Variants in ITPR1 observed in about 807,000 individuals in gnomAD.
ITPR1 encodes the protein inositol 1,4,5-trisphosphate receptor type 1, also known as inositol 1,4,5-trisphosphate-gated calcium channel ITPR1.
ITPR1 carries 96 observed loss-of-function variants against 318.4 expected under a neutral mutation model. The observed-to-expected ratio is 0.30, with a 90% CI of 0.26 to 0.36. The LOEUF (loss-of-function observed/expected upper bound fraction) is 0.36, where lower values mean the gene tolerates loss of function less well. Ranked by LOEUF, ITPR1 falls within the 10% of genes least tolerant of loss-of-function variation. ITPR1 has a pLI of 1.00. For missense variants in ITPR1, 2,440 were observed against 3,460.2 expected (o/e 0.71, Z 7.40); for synonymous variants, 1,312 against 1,289.9 (o/e 1.02, Z -0.37).
At chr3:4,493,886 CTTTT>C (rs71301158) in intron 1 of ITPR1, among the ~76,000 whole-genome samples, 2 of 125,620 alleles carry the variant, frequency 1.6e-5, no homozygotes, top group South Asian at 2.6e-4. Flanking sequence ...GGAAATAGTT[CTTTT>C]TTTTTTTTTT....
At chr3:4,658,074 T>C (rs777661435) in intron 12 of ITPR1, 50 bp from the exon 13 acceptor site, 1 of 1,524,908 alleles carries the variant, frequency 6.6e-7, no homozygotes, top group South Asian at 1.2e-5. Flanking sequence ...TTGTAGAAAG[T>C]GAAGGCTTTG....
chr3:4,604,531 C>T (rs1230365302), intron 4 of ITPR1, among the ~76,000 whole-genome samples: 3 of 152,100 alleles, frequency 2.0e-5, no homozygotes, highest in Admixed American at 6.5e-5. Context: ...AGGAGATGAG[C>T]TATCTGGCTG....
chr3:4,757,825 G>A (rs553230088), intron 44 of ITPR1, among the ~76,000 whole-genome samples: 1 of 152,316 alleles, frequency 6.6e-6, no homozygotes, highest in Non-Finnish European at 1.5e-5. Flanking sequence ...GGAGTGGGGA[G>A]TTCTCAGTTC....
At chr3:4,756,057 T>C (rs2044948247) in intron 44 of ITPR1, among the ~76,000 whole-genome samples, 3 of 152,208 alleles carry the variant, frequency 2.0e-5, no homozygotes. Flanking sequence ...TGATAATTTA[T>C]GCCAAGGGAG....
chr3:4,846,205 A>C lies in ITPR1; in HGVS notation c.8257A>C (p.Asn2753His). The change falls in exon 62 of 62, where the codon AAC becomes CAC. Residue 2753 changes from asparagine (N) to histidine (H), a missense_variant. Physicochemically the swap from Asn to His is moderately conservative, Grantham distance 68 (BLOSUM62 1). Transcript: ENST00000649015. ...LLGHPPHMNV[N>H]PQQPA ...AGGACATCCTCCTCACATGAATGTC[A>C]ACCCACAACAACCAGCATAAGCAAA... 6.4e-7 allele frequency: 1 copy of C among 1,561,148 alleles called. No homozygotes were observed. The highest frequency in any genetic ancestry group is 8.7e-7 in the Non-Finnish European group (1 of 1,150,238).
intron 4 of ITPR1, among the ~76,000 whole-genome samples, chr3:4,607,765 G>A (rs1274927119): frequency 1.3e-5 from 2 of 152,048 alleles, no homozygotes; most frequent in Non-Finnish European, 2.9e-5. Context: ...GGAGCAGTTG[G>A]CAGGTCCAGG....
chr3:4,612,063 C>T (rs929005968), intron 4 of ITPR1, among the ~76,000 whole-genome samples: 50 of 108,556 alleles, frequency 4.6e-4, no homozygotes, highest in African/African-American at 1.4e-3. Flanking sequence ...GTATCAGGCC[C>T]TTTTTTTTTT....
chr3:4,786,534 A>G (rs889000381), intron 51 of ITPR1, among the ~76,000 whole-genome samples: 7 of 152,254 alleles, frequency 4.6e-5, no homozygotes, highest in African/African-American at 9.6e-5. Context: ...CTTGTAGAGC[A>G]CGTTGCATCC....
intron 36 of ITPR1, among the ~76,000 whole-genome samples, chr3:4,704,649 A>G (rs2125269990): frequency 6.6e-6 from 1 of 152,316 alleles, no homozygotes; most frequent in East Asian, 1.9e-4. Flanking sequence ...TTAATATTTT[A>G]GCAAGTGGTT....
At chr3:4,769,923 C>T in intron 46 of ITPR1, among the ~76,000 whole-genome samples, 1 of 152,234 alleles carries the variant, frequency 6.6e-6, no homozygotes, top group East Asian at 1.9e-4. Flanking sequence ...GAGAAGTGTG[C>T]TGGAGCACTG....
intron 4 of ITPR1, among the ~76,000 whole-genome samples, chr3:4,580,078 C>T (rs1048549115): frequency 7.2e-5 from 11 of 151,986 alleles, no homozygotes; most frequent in Non-Finnish European, 1.6e-4. Flanking sequence ...GGCGTAGTGG[C>T]AGGAGCCTGT....
chr3:4,617,679 G>A (rs1344290510), intron 4 of ITPR1, among the ~76,000 whole-genome samples: 1 of 152,090 alleles, frequency 6.6e-6, no homozygotes, highest in Non-Finnish European at 1.5e-5. Context: ...GTACCAAAAG[G>A]TGGTTAAAAA....
intron 4 of ITPR1, among the ~76,000 whole-genome samples, chr3:4,625,094 T>G (rs963723279): frequency 6.6e-6 from 1 of 152,230 alleles, no homozygotes; most frequent in Non-Finnish European, 1.5e-5. Flanking sequence ...ATGGATTAGA[T>G]TCTTGATAAA....
intron 39 of ITPR1, among the ~76,000 whole-genome samples, chr3:4,716,715 C>G (rs1256512455): frequency 6.6e-6 from 1 of 152,186 alleles, no homozygotes; most frequent in Non-Finnish European, 1.5e-5. Flanking sequence ...ATCCAACTAT[C>G]CTTAAACAAG....
rs78133228 is a variant in ITPR1 at position 4,602,084 on chromosome 3, C to G, written c.164-25679C>G. On this transcript the variant is annotated intron_variant, in intron 4 of 61. Transcript: ENST00000649015. The stretch of plus-strand genomic sequence containing the variant: ...GAGAAATGGCAACTCTCACACATTG[C>G]TGGCAGGATTGAAAATGACACAACC... Among the ~76,000 whole-genome samples the G allele has an allele frequency of 9.7e-4, 148 of 152,276 alleles. 1 individual carries two copies. The highest frequency in any genetic ancestry group is 3.3e-3 in the African/African-American group (139 of 41,566).
intron 4 of ITPR1, among the ~76,000 whole-genome samples, chr3:4,550,319 A>G (rs1379453067): frequency 6.6e-6 from 1 of 152,162 alleles, no homozygotes; most frequent in Non-Finnish European, 1.5e-5. Flanking sequence ...GGTGACAGCA[A>G]ATGGGCATTG....
At chr3:4,817,135 G>A (rs749042051) in intron 59 of ITPR1, among the ~76,000 whole-genome samples, 7 of 151,898 alleles carry the variant, frequency 4.6e-5, no homozygotes, top group Non-Finnish European at 1.0e-4. Context: ...TTACTTTTTT[G>A]GCATCATAAT....
chr3:4,503,554 G>T lies in ITPR1; in HGVS notation c.-17+9048G>T, dbSNP rs560943422. 6.6e-5 allele frequency among the ~76,000 whole-genome samples: 10 copies of T among 152,292 alleles called. No homozygotes were observed. In the East Asian group the frequency reaches 1.9e-3, roughly 29 times the overall value. On this transcript the variant is annotated intron_variant, in intron 2 of 61. Coordinates refer to ENST00000649015, the MANE Select transcript of ITPR1 (RefSeq NM_001378452.1). ...TCAATGGGGACAGGGAGAGTGATTT[G>T]TGTCCTCCAGGGGACATTTGGTATC... is the stretch of plus-strand genomic sequence containing the variant.
At chr3:4,624,606 G>T (rs962498707) in intron 4 of ITPR1, among the ~76,000 whole-genome samples, 1 of 144,910 alleles carries the variant, frequency 6.9e-6, no homozygotes, top group Non-Finnish European at 1.5e-5. Flanking sequence ...GGAGGCAGAG[G>T]TTACAGTGAG....
Sources: allele counts gnomAD v4.1 joint callset (sites outside exome capture counted in the v4.1 genomes callset), GRCh38; gene constraint gnomAD v4.1.1; transcripts MANE v1.5; gene names NCBI Gene and HGNC (gene_info 2026-07-23, HGNC 2026-07-21).